GALNTL6: variants seen among roughly 807,000 people sequenced by gnomAD.
GALNTL6 encodes polypeptide N-acetylgalactosaminyltransferase like 6.
A neutral mutation model predicts 73.7 loss-of-function variants in GALNTL6; 46 were observed. The observed-to-expected ratio is 0.62, with a 90% CI of 0.49 to 0.80. The LOEUF is 0.80. Among genes scored for constraint, GALNTL6 ranks in the 30% least tolerant of loss-of-function variants. The probability of loss-of-function intolerance (pLI) is 0.00; values close to 1 mark genes in which losing one functional copy is unlikely to be tolerated. For missense variants in GALNTL6, 604 were observed against 755.0 expected, an observed-to-expected ratio of 0.80 and a Z score of 2.34; for synonymous variants, 259 against 263.7, an observed-to-expected ratio of 0.98 and a Z score of 0.17.
chr4:172,387,284 G>T (rs1418916542), intron 5 of GALNTL6, among the ~76,000 whole-genome samples: 1 of 152,042 alleles, frequency 6.6e-6, no homozygotes, highest in African/African-American at 2.4e-5. Flanking sequence ...TTTATCTATT[G>T]TCTTTTCATT....
chr4:172,678,431 T>A (rs1732434136), intron 5 of GALNTL6, among the ~76,000 whole-genome samples: 2 of 152,068 alleles, frequency 1.3e-5, no homozygotes, highest in Non-Finnish European at 1.5e-5. Flanking sequence ...CCGCAACCTC[T>A]GCCTCCCTGG....
chr4:172,424,800 G>A (rs1465014314), intron 5 of GALNTL6, among the ~76,000 whole-genome samples: 1 of 152,106 alleles, frequency 6.6e-6, no homozygotes, highest in Non-Finnish European at 1.5e-5. Context: ...TCATGGCCAT[G>A]ACCAAATGCA....
intron 3 of GALNTL6, among the ~76,000 whole-genome samples, chr4:172,306,925 C>A (rs989280814): frequency 2.0e-5 from 3 of 152,110 alleles, no homozygotes; most frequent in African/African-American, 7.2e-5. Context: ...TATAAACATG[C>A]ATATGTAAGT....
chr4:173,014,560 AT>A (rs1026967991), intron 11 of GALNTL6, among the ~76,000 whole-genome samples: 6 of 152,246 alleles, frequency 3.9e-5, no homozygotes, highest in African/African-American at 1.2e-4. Flanking sequence ...CAGGGGACAG[AT>A]TTTTTTCCTT....
chr4:172,287,338 C>G (rs888128929), intron 3 of GALNTL6, among the ~76,000 whole-genome samples: 1 of 152,132 alleles, frequency 6.6e-6, no homozygotes, highest in Non-Finnish European at 1.5e-5. Flanking sequence ...AGGCCTCATG[C>G]TGTGTGCATG....
chr4:172,716,557 C>G (rs1735111420), intron 5 of GALNTL6, among the ~76,000 whole-genome samples: 3 of 152,144 alleles, frequency 2.0e-5, no homozygotes, highest in Non-Finnish European at 4.4e-5. Flanking sequence ...TCCCATAACG[C>G]GGCCCATGAT....
chr4:172,836,135 A>T (rs530407869), intron 7 of GALNTL6, among the ~76,000 whole-genome samples: 1 of 152,314 alleles, frequency 6.6e-6, no homozygotes, highest in Non-Finnish European at 1.5e-5. Context: ...TTCCAGTCCC[A>T]ATCAGGTAGA....
intron 5 of GALNTL6, among the ~76,000 whole-genome samples, chr4:172,719,520 C>T (rs1397848590): frequency 6.6e-6 from 1 of 152,050 alleles, no homozygotes; most frequent in Non-Finnish European, 1.5e-5. Context: ...TTCCTTATTG[C>T]TACTAGAACA....
chr4:172,301,535 G>T (rs1262278468), intron 3 of GALNTL6, among the ~76,000 whole-genome samples: 1 of 152,162 alleles, frequency 6.6e-6, no homozygotes. Flanking sequence ...GTGACGTACA[G>T]ATGGGGTTTT....
intron 11 of GALNTL6, among the ~76,000 whole-genome samples, chr4:173,014,513 A>G (rs541117193): frequency 6.6e-6 from 1 of 152,346 alleles, no homozygotes; most frequent in Non-Finnish European, 1.5e-5. Flanking sequence ...GCCTAGGGGA[A>G]GGTTCACAAA....
chr4:172,874,722 A>T (rs1413421863), intron 7 of GALNTL6, among the ~76,000 whole-genome samples: 2 of 152,200 alleles, frequency 1.3e-5, no homozygotes, highest in Non-Finnish European at 2.9e-5. Flanking sequence ...GTCAATAAGG[A>T]GAACCTCAAG....
intron 5 of GALNTL6, among the ~76,000 whole-genome samples, chr4:172,355,120 C>T (rs13434538): frequency 0.57 from 86,627 of 151,804 alleles, 27,338 homozygotes; most frequent in South Asian, 0.72. Flanking sequence ...TATGGATTAG[C>T]TTTTATAATG....
At chr4:171,998,128 C>T (rs1740550268) in intron 2 of GALNTL6, among the ~76,000 whole-genome samples, 1 of 152,102 alleles carries the variant, frequency 6.6e-6, no homozygotes, top group Non-Finnish European at 1.5e-5. Flanking sequence ...GAAAACAAAT[C>T]ATGAGCAATG....
intron 2 of GALNTL6, among the ~76,000 whole-genome samples, chr4:172,095,968 T>G (rs1054067495): frequency 6.6e-6 from 1 of 152,028 alleles, no homozygotes; most frequent in African/African-American, 2.4e-5. Flanking sequence ...TTTCCCATTT[T>G]TCTTTTCTCT....
chr4:172,885,222 AT>A (rs1745658425), intron 8 of GALNTL6, among the ~76,000 whole-genome samples: 1 of 151,856 alleles, frequency 6.6e-6, no homozygotes, highest in Non-Finnish European at 1.5e-5. Flanking sequence ...TAGTGTAGAT[AT>A]TTTAACAGTA....
intron 2 of GALNTL6, among the ~76,000 whole-genome samples, chr4:171,929,292 G>C (rs568201126): frequency 1.9e-4 from 29 of 152,246 alleles, no homozygotes; most frequent in Middle Eastern, 6.8e-3. Context: ...GTCTGGTCTT[G>C]AATTCCTGGC....
At chr4:172,085,446 C>T (rs953588360) in intron 2 of GALNTL6, among the ~76,000 whole-genome samples, 15 of 151,836 alleles carry the variant, frequency 9.9e-5, no homozygotes, top group East Asian at 1.9e-4. Flanking sequence ...CTAGCACTTT[C>T]GGAGGCCAAG....
intron 5 of GALNTL6, among the ~76,000 whole-genome samples, chr4:172,587,669 C>A (rs1737466149): frequency 1.3e-5 from 2 of 152,186 alleles, no homozygotes; most frequent in African/African-American, 4.8e-5. Context: ...TGCTTTTCTG[C>A]AGCTCACAGA....
At chr4:172,917,544 A>G (rs915442565) in intron 8 of GALNTL6, among the ~76,000 whole-genome samples, 3 of 152,194 alleles carry the variant, frequency 2.0e-5, no homozygotes, top group East Asian at 3.8e-4. Flanking sequence ...ACTCAAACAA[A>G]TTTACACGAA....
Sources: gnomAD v4.1 joint callset for allele counts (sites outside exome capture counted in the v4.1 genomes callset) on GRCh38, gnomAD v4.1.1 for gene constraint, MANE v1.5 for transcripts, NCBI Gene and HGNC (gene_info 2026-07-23, HGNC 2026-07-21) for gene names.